The following KAZN variants were observed in gnomAD, a reference collection of about 807,000 sequenced individuals.
KAZN encodes kazrin.
Under a neutral mutation model 87.4 loss-of-function variants are expected in KAZN, and 40 were observed. That is an observed-to-expected ratio of 0.46 (90% confidence interval 0.36 to 0.60). The LOEUF is 0.60. KAZN is among the 20% of genes least tolerant of loss of function. The pLI is 0.00. For missense variants in KAZN, 898 were observed against 1,073.9 expected, an observed-to-expected ratio of 0.84 and a Z score of 2.29; for synonymous variants, 466 against 458.3, an observed-to-expected ratio of 1.02 and a Z score of -0.22.
At chr1:13,900,157 G>GTT (rs34945290) in intron 1 of KAZN, among the ~76,000 whole-genome samples, 34,493 of 151,946 alleles carry the variant, frequency 0.23, 3,943 homozygotes, top group South Asian at 0.37. Context: ...TAGTCCTCAA[G>GTT]TTTGCCTCGA....
At chr1:14,529,260 C>T (rs1220053754) in intron 2 of KAZN, among the ~76,000 whole-genome samples, 8 of 152,132 alleles carry the variant, frequency 5.3e-5, no homozygotes, top group Admixed American at 1.3e-4. Flanking sequence ...GCTGAGATCG[C>T]GCCATTGCAC....
chr1:15,101,882 C>T, intron 11 of KAZN, 108 bp downstream of exon 11: 1 of 708,334 alleles, frequency 1.4e-6, no homozygotes, highest in Non-Finnish European at 2.5e-6. Context: ...TCCATCTGTC[C>T]ACCCATCCAT....
chr1:14,282,625 G>A (rs758871248), intron 2 of KAZN, among the ~76,000 whole-genome samples: 2 of 152,148 alleles, frequency 1.3e-5, no homozygotes, highest in Non-Finnish European at 2.9e-5. Flanking sequence ...CTTGGAGACC[G>A]ACCCTCTTAC....
chr1:14,444,822 C>T (rs571072115), intron 2 of KAZN, among the ~76,000 whole-genome samples: 11 of 152,236 alleles, frequency 7.2e-5, no homozygotes, highest in South Asian at 4.1e-4. Flanking sequence ...ATCTAATCAC[C>T]GCACTAGCCT....
intron 1 of KAZN, among the ~76,000 whole-genome samples, chr1:14,888,961 T>C (rs1572739628): frequency 6.6e-6 from 1 of 152,196 alleles, no homozygotes; most frequent in East Asian, 1.9e-4. Context: ...GGAAGAAGAA[T>C]TGTCTTTGGC....
intron 1 of KAZN, among the ~76,000 whole-genome samples, chr1:14,728,233 C>T (rs996078465): frequency 1.4e-5 from 2 of 144,020 alleles, no homozygotes; most frequent in African/African-American, 5.2e-5. Context: ...TTGCAGTGAG[C>T]CGAGATTGTG....
At chr1:14,293,912 A>G (rs1225872334) in intron 2 of KAZN, among the ~76,000 whole-genome samples, 2 of 152,144 alleles carry the variant, frequency 1.3e-5, no homozygotes, top group Non-Finnish European at 2.9e-5. Context: ...CTGCTTTCCC[A>G]AGCAGAGACT....
At chr1:14,836,623 T>A (rs1358365774) in intron 1 of KAZN, among the ~76,000 whole-genome samples, 2 of 152,060 alleles carry the variant, frequency 1.3e-5, no homozygotes, top group African/African-American at 4.8e-5. Flanking sequence ...CCCCGAGGCC[T>A]GAGAAGTCAG....
At position 15,044,040 on chromosome 1, in the gene KAZN, C is replaced by G; in HGVS notation, c.607C>G (p.Arg203Gly). 3.7e-6 allele frequency: 6 copies of G among 1,612,570 alleles called. No individual in the cohort carries two copies. The highest frequency in any genetic ancestry group is 1.3e-5 in the African/African-American group (1 of 75,022). ...ALAKEKDLLE[R>G]EKWELRRQAK... is the part of the protein sequence containing the mutation. ...GGCCAAGGAGAAGGACCTGCTGGAG[C>G]GTGAGAAGTGGGAGCTGCGGCGCCA... is the stretch of plus-strand genomic sequence containing the variant. The change falls in exon 4 of 15, where the codon CGT (arginine) becomes GGT (glycine). Residue 203 changes from arginine (R) to glycine (G), a missense_variant. By Grantham distance (125) the Arg-to-Gly change is moderately radical (BLOSUM62 -2). This residue lies in a region of KAZN where 521 missense variants were observed against 689.4 expected (regional missense o/e 0.76). Transcript: ENST00000376030.
At chr1:14,018,362 G>C (rs1184143063) in intron 1 of KAZN, among the ~76,000 whole-genome samples, 2 of 152,160 alleles carry the variant, frequency 1.3e-5, no homozygotes, top group Non-Finnish European at 2.9e-5. Flanking sequence ...ATGAAGACAG[G>C]GTACGGGGGA....
intron 1 of KAZN, among the ~76,000 whole-genome samples, chr1:14,120,260 GAGA>G (rs146353328): frequency 0.019 from 2,893 of 152,222 alleles, 94 homozygotes; most frequent in African/African-American, 0.065. Context: ...CACATGGGCA[GAGA>G]AGGAGCAAGA....
rs1647177350 is a variant in KAZN at position 14,834,900 on chromosome 1, C to T, written c.227-125784C>T. Among the ~76,000 whole-genome samples, 3 of 152,078 alleles carry T rather than the reference C, an allele frequency of 2.0e-5. No individual in the cohort carries two copies. In the South Asian group the frequency reaches 6.2e-4, roughly 32 times the overall value. ...GTCTGGATTCAGTAGATTTAAAGTG[C>T]TGGTTTGGGGCACTCTCCCATTTTA... On this transcript the variant is annotated intron_variant, in intron 1 of 14. Transcript: ENST00000376030.
At chr1:14,170,930 T>A (rs1570930451) in intron 1 of KAZN, among the ~76,000 whole-genome samples, 1 of 152,138 alleles carries the variant, frequency 6.6e-6, no homozygotes, top group Admixed American at 6.5e-5. Context: ...ATGAGGCTGG[T>A]CTCAAACTCC....
At chr1:14,654,057 G>A (rs925802292) in intron 1 of KAZN, among the ~76,000 whole-genome samples, 16 of 152,302 alleles carry the variant, frequency 1.1e-4, no homozygotes, top group Admixed American at 8.5e-4. Flanking sequence ...AGGCCAAGGC[G>A]GGCGTATCGC....
intron 2 of KAZN, among the ~76,000 whole-genome samples, chr1:14,573,674 A>C (rs1443335794): frequency 2.6e-5 from 4 of 152,130 alleles, no homozygotes; most frequent in Non-Finnish European, 5.9e-5. Context: ...AGAAAGAAAT[A>C]CACTAAACCC....
At chr1:14,798,896 G>A (rs1401104972) in intron 1 of KAZN, among the ~76,000 whole-genome samples, 1 of 152,170 alleles carries the variant, frequency 6.6e-6, no homozygotes, top group African/African-American at 2.4e-5. Flanking sequence ...AAGTAGCTGG[G>A]ACTACAGGCA....
intron 1 of KAZN, among the ~76,000 whole-genome samples, chr1:14,125,946 T>G (rs1570799911): frequency 1.1e-5 from 1 of 89,932 alleles, no homozygotes; most frequent in Non-Finnish European, 2.1e-5. Flanking sequence ...GTAAGGCCAG[T>G]GGAGTGTGGT....
At chr1:15,068,068 T>G in intron 8 of KAZN, 1 of 876,884 alleles carries the variant, frequency 1.1e-6, no homozygotes, top group Non-Finnish European at 1.4e-6. Context: ...AAAATAACCT[T>G]TCCCGTGGGA....
intron 2 of KAZN, among the ~76,000 whole-genome samples, chr1:14,255,119 CAAA>C (rs71570191): frequency 6.3e-4 from 53 of 83,752 alleles, no homozygotes; most frequent in African/African-American, 1.9e-3. Context: ...GACTCTGTCT[CAAA>C]AAAAAAAAAA....
Sources: allele counts gnomAD v4.1 joint callset (sites outside exome capture counted in the v4.1 genomes callset), GRCh38; gene constraint gnomAD v4.1.1; regional missense constraint gnomAD v4.1.1; transcripts MANE v1.5; gene names NCBI Gene and HGNC (gene_info 2026-07-23, HGNC 2026-07-21).